GALNT2: variants seen among roughly 807,000 people sequenced by gnomAD.
GALNT2 encodes polypeptide N-acetylgalactosaminyltransferase 2, also known as UDP-GalNAc:polypeptide N-acetylgalactosaminyltransferase 2.
Under a neutral mutation model 81.4 loss-of-function variants are expected in GALNT2, and 31 were observed. The ratio of observed to expected loss-of-function variants is 0.38; its 90% CI spans 0.29 to 0.51. The LOEUF (loss-of-function observed/expected upper bound fraction) is 0.51. GALNT2 is among the 20% of genes least tolerant of loss of function. GALNT2 has a pLI of 0.87. For synonymous variants in GALNT2, 303 were observed against 287.4 expected, an observed-to-expected ratio of 1.05 and a Z score of -0.55; for missense variants, 629 against 765.7, an observed-to-expected ratio of 0.82 and a Z score of 2.11.
intron 2 of GALNT2, among the ~76,000 whole-genome samples, chr1:230,198,292 AGCAATAC>A (rs1663770112): frequency 6.6e-6 from 1 of 152,220 alleles, no homozygotes; most frequent in African/African-American, 2.4e-5. Flanking sequence ...GGGAGCCTGG[AGCAATAC>A]GAGGAGTGGC....
At chr1:230,167,322 T>C (rs961806794) in intron 1 of GALNT2, among the ~76,000 whole-genome samples, 1 of 152,024 alleles carries the variant, frequency 6.6e-6, no homozygotes, top group Non-Finnish European at 1.5e-5. Flanking sequence ...ATTTTTAAAA[T>C]TTTTTGTAGA....
intron 7 of GALNT2, among the ~76,000 whole-genome samples, chr1:230,245,519 G>A (rs746468496): frequency 6.6e-5 from 10 of 151,622 alleles, no homozygotes; most frequent in Non-Finnish European, 1.3e-4. Flanking sequence ...TGAGGCAAAC[G>A]TAGAATCTGG....
intron 1 of GALNT2, among the ~76,000 whole-genome samples, chr1:230,059,780 C>CTT (rs777799728): frequency 1.3e-4 from 20 of 152,142 alleles, no homozygotes; most frequent in African/African-American, 4.8e-4. Context: ...TATTTTGCCA[C>CTT]TTTTTTTTAT....
rs78493600 is a variant in GALNT2, at chr1:230,099,862, C to T, written c.126+32456C>T. On this transcript the variant is annotated intron_variant, in intron 1 of 15. Transcript: ENST00000366672. ...CCCCATGTCTGCAGTGTGCCACAGC[C>T]TCCTTTCCAATTTGTTTCCATTATA... Among the ~76,000 whole-genome samples, 370 of 152,322 alleles carry T rather than the reference C, an allele frequency of 2.4e-3. 12 individuals are homozygous for T. The East Asian group carries it at 0.06, about 25-fold the overall frequency.
rs74610813 is a variant in GALNT2, at chr1:230,235,538, G to A, written c.375-476G>A. ...CTGTCCCAGGAAGGGAAAACCTCCA[G>A]TGGGTCTGCTGTTCGTGGTGAGAAC... On this transcript the variant is annotated intron_variant, in intron 3 of 15. Coordinates refer to ENST00000366672, the MANE Select transcript of GALNT2 (RefSeq NM_004481.5). 6.6e-5 allele frequency among the ~76,000 whole-genome samples: 10 copies of A among 152,318 alleles called. No homozygotes were observed. In the East Asian group the frequency reaches 1.9e-3, roughly 29 times the overall value.
At chr1:230,164,636 C>A (rs957160084) in intron 1 of GALNT2, among the ~76,000 whole-genome samples, 1 of 151,840 alleles carries the variant, frequency 6.6e-6, no homozygotes, top group Non-Finnish European at 1.5e-5. Context: ...CAGGTTCAAG[C>A]GATTCTTCTC....
intron 1 of GALNT2, among the ~76,000 whole-genome samples, chr1:230,128,660 T>C (rs952205667): frequency 2.0e-5 from 3 of 152,110 alleles, no homozygotes; most frequent in Non-Finnish European, 2.9e-5. Flanking sequence ...CTTTCCTTTT[T>C]TCCCCCAAGC....
chr1:230,089,003 G>A (rs377072417), intron 1 of GALNT2, among the ~76,000 whole-genome samples: 1 of 152,080 alleles, frequency 6.6e-6, no homozygotes, highest in Admixed American at 6.5e-5. Flanking sequence ...CTCAAGCACT[G>A]TGTGTCCTTT....
At chr1:230,276,383 C>T (rs541641447) in intron 15 of GALNT2, among the ~76,000 whole-genome samples, 1 of 152,130 alleles carries the variant, frequency 6.6e-6, no homozygotes, top group Non-Finnish European at 1.5e-5. Context: ...CCTGTTCTTA[C>T]AGTCGGTCCT....
At chr1:230,172,466 A>G (rs1662824981) in intron 1 of GALNT2, among the ~76,000 whole-genome samples, 1 of 152,258 alleles carries the variant, frequency 6.6e-6, no homozygotes, top group Non-Finnish European at 1.5e-5. Flanking sequence ...GTGTGAGGTA[A>G]TAAACATTTA....
At chr1:230,256,123 C>G (rs946892642) in intron 11 of GALNT2, among the ~76,000 whole-genome samples, 10 of 152,248 alleles carry the variant, frequency 6.6e-5, no homozygotes, top group Middle Eastern at 3.4e-3. Context: ...GGCATAGTCA[C>G]TTCTTAAAGG....
chr1:230,166,405 T>C (rs1231068205), intron 1 of GALNT2, among the ~76,000 whole-genome samples: 3 of 152,236 alleles, frequency 2.0e-5, no homozygotes, highest in Non-Finnish European at 4.4e-5. Flanking sequence ...ACGGTGTTTC[T>C]CATCTCTAGC....
intron 9 of GALNT2, 142 bp downstream of exon 9, chr1:230,249,413 T>A: frequency 3.1e-6 from 2 of 645,376 alleles, no homozygotes; most frequent in Non-Finnish European, 5.4e-6. Context: ...AGCTCAAAGA[T>A]GAGCACCTTC....
chr1:230,189,940 G>A (rs761664925), intron 2 of GALNT2, among the ~76,000 whole-genome samples: 8 of 152,252 alleles, frequency 5.3e-5, no homozygotes, highest in Non-Finnish European at 8.8e-5. Flanking sequence ...ACTCCTCCAG[G>A]TTCACCCATG....
At chr1:230,145,731 C>T (rs963444873) in intron 1 of GALNT2, among the ~76,000 whole-genome samples, 1 of 152,202 alleles carries the variant, frequency 6.6e-6, no homozygotes, top group African/African-American at 2.4e-5. Flanking sequence ...CAAGCCCAGA[C>T]GTCAGGCAGG....
chr1:230,279,154 C>T lies in GALNT2; in HGVS notation c.1561-149C>T. 1.3e-6 allele frequency: 1 copy of T among 766,610 alleles called. No individual in the cohort carries two copies. Among genetic ancestry groups the T allele is most frequent in the Admixed American group, 3.1e-5 (1 of 32,082 alleles). 47.5% of individuals were successfully genotyped at this position (766,610 alleles called of 1,614,324 possible). On this transcript the variant is annotated intron_variant, in intron 15 of 15. Coordinates refer to ENST00000366672, the MANE Select transcript of GALNT2 (RefSeq NM_004481.5). The surrounding 1 kb of genome is among the most constrained non-coding windows in gnomAD (Gnocchi z 4.6). Reference sequence around the variant, plus strand: ...TGGCTGGTTTCCTGTGGGGCTGCTGCAAGCTCCTCGGCCGTTCAGATGAGA... The same window carrying T: ...TGGCTGGTTTCCTGTGGGGCTGCTGTAAGCTCCTCGGCCGTTCAGATGAGA...
At chr1:230,202,399 G>A (rs894328440) in intron 2 of GALNT2, among the ~76,000 whole-genome samples, 1 of 152,176 alleles carries the variant, frequency 6.6e-6, no homozygotes, top group Non-Finnish European at 1.5e-5. Context: ...GAGCTCCTCA[G>A]TGCAGTGGTG....
Position 230,083,216 on chromosome 1 carries a change from G to T in GALNT2, c.126+15810G>T, listed in dbSNP as rs1234422907. Among the ~76,000 whole-genome samples the T allele has an allele frequency of 2.8e-5, 4 of 145,354 alleles. No homozygotes were observed. The East Asian group carries it at 8.4e-4, about 31-fold the overall frequency. ...GGAGCCAGGATGATGGAGCGGGGGGGCCAGGATGATGGAGCGGGGAGCTGG... is the reference window on the plus strand; with the variant it reads ...GGAGCCAGGATGATGGAGCGGGGGGTCCAGGATGATGGAGCGGGGAGCTGG... On this transcript the variant is annotated intron_variant, in intron 1 of 15. Coordinates refer to ENST00000366672, the MANE Select transcript of GALNT2 (RefSeq NM_004481.5).
At chr1:230,203,463 G>A (rs1459264381) in intron 3 of GALNT2, among the ~76,000 whole-genome samples, 173 bp downstream of exon 3, 1 of 152,228 alleles carries the variant, frequency 6.6e-6, no homozygotes, top group Non-Finnish European at 1.5e-5. Context: ...CATAGGCAGT[G>A]GAAGGATGGT....
Sources: gnomAD v4.1 joint callset for allele counts (sites outside exome capture counted in the v4.1 genomes callset) on GRCh38, gnomAD v4.1.1 for gene constraint, Gnocchi (gnomAD v3.1) non-coding constraint, MANE v1.5 for transcripts, NCBI Gene and HGNC (gene_info 2026-07-23, HGNC 2026-07-21) for gene names.